The following CACNA2D3 variants were observed in gnomAD, a reference collection of about 807,000 sequenced individuals.
CACNA2D3 encodes the protein voltage-dependent calcium channel subunit alpha-2/delta-3.
Under a neutral mutation model 160.6 loss-of-function variants are expected in CACNA2D3, and 60 were observed. The ratio of observed to expected loss-of-function variants is 0.37; its 90% CI spans 0.30 to 0.46. The LOEUF (loss-of-function observed/expected upper bound fraction) is 0.46. CACNA2D3 is among the 20% of genes least tolerant of loss of function. CACNA2D3 has a pLI of 1.00. For missense variants in CACNA2D3, 1,205 were observed against 1,365.0 expected (o/e 0.88, Z 1.85); for synonymous variants, 558 against 492.9 (o/e 1.13, Z -1.75).
rs558024640 is a variant in CACNA2D3 at position 54,890,271 on chromosome 3, C to T, written c.2151-1084C>T. ...CAGCACTTTGGGAGGCCGAGGTGGG[C>T]AGATCACAATGGCAGGAGATCGAGA... is the stretch of plus-strand genomic sequence containing the variant. On this transcript the variant is annotated intron_variant, in intron 24 of 37. Coordinates refer to ENST00000474759, the MANE Select transcript of CACNA2D3 (RefSeq NM_018398.3). Among the ~76,000 whole-genome samples the T allele has an allele frequency of 2.1e-3, 324 of 152,092 alleles. 1 individual carries two copies. The highest frequency in any genetic ancestry group is 7.4e-3 in the African/African-American group (308 of 41,496).
At chr3:54,170,626 C>A (rs1700544760) in intron 2 of CACNA2D3, among the ~76,000 whole-genome samples, 1 of 152,118 alleles carries the variant, frequency 6.6e-6, no homozygotes, top group Non-Finnish European at 1.5e-5. Context: ...ACCTCCCTCC[C>A]TCCCTCCTTT....
chr3:54,524,949 G>GA (rs1214920751), intron 5 of CACNA2D3, among the ~76,000 whole-genome samples: 1 of 151,974 alleles, frequency 6.6e-6, no homozygotes, highest in Non-Finnish European at 1.5e-5. Context: ...AATCTAGTCT[G>GA]AAAAATCTCT....
At chr3:54,626,111 G>C (rs570055767) in intron 9 of CACNA2D3, 2 of 598,456 alleles carry the variant, frequency 3.3e-6, no homozygotes, top group East Asian at 5.6e-5. Context: ...AAGTGGGGAT[G>C]CCTTTGGGGA....
chr3:54,636,649 G>A (rs1699379382), intron 10 of CACNA2D3, among the ~76,000 whole-genome samples: 1 of 152,006 alleles, frequency 6.6e-6, no homozygotes, highest in African/African-American at 2.4e-5. Flanking sequence ...TGTGGTCCTG[G>A]CTCTTGTGTA....
intron 27 of CACNA2D3, among the ~76,000 whole-genome samples, chr3:54,916,492 A>C (rs1386739423): frequency 6.6e-6 from 1 of 152,154 alleles, no homozygotes; most frequent in Non-Finnish European, 1.5e-5. Context: ...AAGGTATTTC[A>C]GTTTCTTTCG....
intron 3 of CACNA2D3, among the ~76,000 whole-genome samples, chr3:54,361,703 G>A (rs1382152937): frequency 6.6e-6 from 1 of 152,204 alleles, no homozygotes; most frequent in Non-Finnish European, 1.5e-5. Flanking sequence ...GTGACCTTGG[G>A]TGGGGTCTGA....
At chr3:55,028,889 C>T (rs1361621234) in intron 35 of CACNA2D3, among the ~76,000 whole-genome samples, 1 of 152,158 alleles carries the variant, frequency 6.6e-6, no homozygotes, top group African/African-American at 2.4e-5. Flanking sequence ...AAAGCTGTGG[C>T]TACAGTTTTC....
At chr3:55,038,532 TGTG>T (rs1703881071) in intron 35 of CACNA2D3, among the ~76,000 whole-genome samples, 1 of 152,096 alleles carries the variant, frequency 6.6e-6, no homozygotes, top group South Asian at 2.1e-4. Flanking sequence ...AAACGTGAAA[TGTG>T]GTATACGCAC....
At chr3:54,457,740 A>G (rs1246337587) in intron 4 of CACNA2D3, among the ~76,000 whole-genome samples, 1 of 152,046 alleles carries the variant, frequency 6.6e-6, no homozygotes, top group Non-Finnish European at 1.5e-5. Context: ...ATATGTGCAC[A>G]CAACCATATA....
rs185036895 is a variant in CACNA2D3, at chr3:54,586,777, A to G, written c.963+4900A>G. Among the ~76,000 whole-genome samples the G allele has an allele frequency of 4.6e-5, 7 of 152,354 alleles. No individual in the cohort carries two copies. In the East Asian group the frequency reaches 1.2e-3, roughly 25 times the overall value. On this transcript the variant is annotated intron_variant, in intron 9 of 37. Coordinates refer to ENST00000474759, the MANE Select transcript of CACNA2D3 (RefSeq NM_018398.3). ...AGCAAGATAAAACATCCTGGGTCAT[A>G]GTAGAAACCTTAAAATTAAATCTTT... is the stretch of plus-strand genomic sequence containing the variant.
intron 5 of CACNA2D3, among the ~76,000 whole-genome samples, chr3:54,545,337 C>A (rs1702044330): frequency 6.6e-6 from 1 of 152,200 alleles, no homozygotes; most frequent in African/African-American, 2.4e-5. Flanking sequence ...AGCTTAACTT[C>A]CATTTCTGAA....
At chr3:54,823,133 G>T (rs1311276823) in intron 14 of CACNA2D3, among the ~76,000 whole-genome samples, 1 of 151,856 alleles carries the variant, frequency 6.6e-6, no homozygotes, top group South Asian at 2.1e-4. Flanking sequence ...GGGATTCCAG[G>T]TATGAGCCAC....
chr3:54,380,172 G>T (rs914286228), intron 3 of CACNA2D3, among the ~76,000 whole-genome samples: 2 of 152,172 alleles, frequency 1.3e-5, no homozygotes, highest in Non-Finnish European at 2.9e-5. Flanking sequence ...AAATAAGTAC[G>T]GGAAACAAAT....
intron 4 of CACNA2D3, among the ~76,000 whole-genome samples, chr3:54,470,326 A>C (rs1156550737): frequency 6.6e-6 from 1 of 152,190 alleles, no homozygotes; most frequent in East Asian, 1.9e-4. Context: ...ATATCCAGCC[A>C]AACTAAGCTT....
intron 3 of CACNA2D3, among the ~76,000 whole-genome samples, chr3:54,348,574 C>T (rs762054184): frequency 6.6e-6 from 1 of 152,110 alleles, no homozygotes; most frequent in Non-Finnish European, 1.5e-5. Context: ...CTCTCTTGTT[C>T]GCAGAAGAAA....
chr3:54,916,334 T>C (rs961642912), intron 27 of CACNA2D3, among the ~76,000 whole-genome samples: 13 of 152,090 alleles, frequency 8.5e-5, no homozygotes, highest in African/African-American at 2.4e-5. Flanking sequence ...AAGAAAGGTT[T>C]TTTCACTTGG....
At chr3:54,316,630 T>G (rs1334810441) in intron 2 of CACNA2D3, among the ~76,000 whole-genome samples, 1 of 152,190 alleles carries the variant, frequency 6.6e-6, no homozygotes, top group Non-Finnish European at 1.5e-5. Context: ...AGATCTGGAA[T>G]CCACAGCTTG....
At chr3:54,138,636 A>T (rs1428514827) in intron 2 of CACNA2D3, among the ~76,000 whole-genome samples, 4 of 152,178 alleles carry the variant, frequency 2.6e-5, no homozygotes, top group African/African-American at 9.7e-5. Flanking sequence ...GCCCAAGGAG[A>T]TGTCACCAGG....
chr3:54,329,580 A>ATGT (rs1027166011), intron 3 of CACNA2D3, among the ~76,000 whole-genome samples: 2 of 152,130 alleles, frequency 1.3e-5, no homozygotes, highest in Admixed American at 6.6e-5. Context: ...TCAGAGTATT[A>ATGT]TGTTGTTGTT....
Sources: allele counts gnomAD v4.1 joint callset (sites outside exome capture counted in the v4.1 genomes callset), GRCh38; gene constraint gnomAD v4.1.1; transcripts MANE v1.5; gene names NCBI Gene and HGNC (gene_info 2026-07-23, HGNC 2026-07-21).